EPHB1: variants seen among roughly 807,000 people sequenced by gnomAD.
The protein encoded by EPHB1 is ephrin type-B receptor 1.
Under a neutral mutation model 94.4 loss-of-function variants are expected in EPHB1, and 30 were observed. The ratio of observed to expected loss-of-function variants is 0.32; its 90% CI spans 0.24 to 0.43. The LOEUF (loss-of-function observed/expected upper bound fraction) is 0.43, where lower values mean the gene tolerates loss of function less well. Ranked by LOEUF, EPHB1 falls within the 20% of genes least tolerant of loss-of-function variation. The pLI is 1.00. For missense variants in EPHB1, 1,055 were observed against 1,308.3 expected, an observed-to-expected ratio of 0.81 and a Z score of 2.99; for synonymous variants, 522 against 489.1, an observed-to-expected ratio of 1.07 and a Z score of -0.89.
In EPHB1 at chr3:135,233,653, A is replaced by C. The variant is rs148564068; in HGVS notation, c.2347-7495A>C. Among the ~76,000 whole-genome samples, 387 of 152,254 alleles carry C rather than the reference A, an allele frequency of 2.5e-3. 3 individuals carry two copies. The highest frequency in any genetic ancestry group is 8.7e-3 in the African/African-American group (363 of 41,548). On this transcript the variant is annotated intron_variant, in intron 12 of 15. Coordinates refer to ENST00000398015, the MANE Select transcript of EPHB1 (RefSeq NM_004441.5). The stretch of plus-strand genomic sequence containing the variant: ...GACTCTGTGTGGGGCTTCCAACCTA[A>C]CGTTTCCCTTCCACACTGCCCTAGC...
chr3:135,223,720 A>G (rs1255169070), intron 12 of EPHB1, among the ~76,000 whole-genome samples: 1 of 152,264 alleles, frequency 6.6e-6, no homozygotes. Flanking sequence ...TTGTTTGGTC[A>G]GATAACTCTT....
At chr3:134,981,587 C>T (rs1464178373) in intron 3 of EPHB1, among the ~76,000 whole-genome samples, 1 of 152,182 alleles carries the variant, frequency 6.6e-6, no homozygotes, top group Non-Finnish European at 1.5e-5. Flanking sequence ...TGGCAAATTG[C>T]ATTGAGTACC....
At chr3:135,190,177 G>A (rs1942420415) in intron 10 of EPHB1, among the ~76,000 whole-genome samples, 1 of 152,164 alleles carries the variant, frequency 6.6e-6, no homozygotes. Flanking sequence ...TTATTTAAAT[G>A]GCCATAGTAA....
intron 3 of EPHB1, among the ~76,000 whole-genome samples, chr3:134,986,445 A>C (rs1481341049): frequency 6.6e-6 from 1 of 152,210 alleles, no homozygotes; most frequent in African/African-American, 2.4e-5. Context: ...TGTGCGTGGC[A>C]TGGACCATCC....
chr3:135,185,288 C>A (rs1475136017), intron 10 of EPHB1, among the ~76,000 whole-genome samples: 1 of 152,152 alleles, frequency 6.6e-6, no homozygotes, highest in Non-Finnish European at 1.5e-5. Flanking sequence ...GATGATTTGG[C>A]AGAAAGGTCA....
chr3:134,928,500 T>C (rs573936613), intron 2 of EPHB1, among the ~76,000 whole-genome samples: 9 of 152,342 alleles, frequency 5.9e-5, no homozygotes, highest in African/African-American at 1.9e-4. Flanking sequence ...AATGTTTCAC[T>C]ATTGAAAGTT....
intron 3 of EPHB1, among the ~76,000 whole-genome samples, chr3:134,963,115 C>T (rs565894274): frequency 1.1e-4 from 17 of 150,678 alleles, no homozygotes; most frequent in South Asian, 2.1e-4. Context: ...CCCTCCTCTC[C>T]CTTCTTATAC....
chr3:134,972,611 G>A (rs1934021739), intron 3 of EPHB1, among the ~76,000 whole-genome samples: 1 of 147,042 alleles, frequency 6.8e-6, no homozygotes, highest in South Asian at 2.1e-4. Context: ...GTCAAAACAG[G>A]GTTACAAAAA....
At chr3:135,210,661 C>G (rs1027855817) in intron 12 of EPHB1, among the ~76,000 whole-genome samples, 8 of 152,190 alleles carry the variant, frequency 5.3e-5, no homozygotes, top group Non-Finnish European at 2.9e-5. Flanking sequence ...CCAGAGTGGT[C>G]AAGTGAGTTA....
intron 1 of EPHB1, among the ~76,000 whole-genome samples, chr3:134,914,543 C>G (rs769994861): frequency 2.0e-5 from 3 of 152,124 alleles, no homozygotes; most frequent in Non-Finnish European, 2.9e-5. Context: ...ATGTAGCTGC[C>G]TCCTTGTGTG....
intron 2 of EPHB1, among the ~76,000 whole-genome samples, chr3:134,948,144 G>C (rs1578220806): frequency 6.6e-6 from 1 of 151,898 alleles, no homozygotes; most frequent in Non-Finnish European, 1.5e-5. Flanking sequence ...CAGTGCTAAG[G>C]TGAAGCCCAC....
intron 1 of EPHB1, among the ~76,000 whole-genome samples, chr3:134,825,676 G>A (rs1424335482): frequency 2.0e-5 from 3 of 152,116 alleles, no homozygotes; most frequent in Non-Finnish European, 4.4e-5. Context: ...AAGGGAATAG[G>A]TTTGGTGGGG....
chr3:135,088,347 C>T (rs1938434000), intron 3 of EPHB1, among the ~76,000 whole-genome samples: 1 of 152,180 alleles, frequency 6.6e-6, no homozygotes, highest in South Asian at 2.1e-4. Context: ...CTCTGAGCCT[C>T]AGTATCACTG....
chr3:134,920,723 G>A (rs188782249), intron 1 of EPHB1, among the ~76,000 whole-genome samples: 52 of 152,286 alleles, frequency 3.4e-4, no homozygotes, highest in Middle Eastern at 6.8e-3. Context: ...ATCCAAAGGT[G>A]CCAATCCAGA....
chr3:135,009,937 T>C (rs1935562096), intron 3 of EPHB1, among the ~76,000 whole-genome samples: 1 of 152,158 alleles, frequency 6.6e-6, no homozygotes, highest in East Asian at 1.9e-4. Flanking sequence ...AATTTTAAAA[T>C]GACAAAAAAC....
chr3:134,864,316 T>A (rs927591783), intron 1 of EPHB1, among the ~76,000 whole-genome samples: 1 of 152,212 alleles, frequency 6.6e-6, no homozygotes, highest in African/African-American at 2.4e-5. Context: ...CCAGGCCATT[T>A]GGAAGTGTCT....
At chr3:134,906,407 G>A (rs1044124354) in intron 1 of EPHB1, among the ~76,000 whole-genome samples, 6 of 152,184 alleles carry the variant, frequency 3.9e-5, no homozygotes, top group African/African-American at 1.4e-4. Flanking sequence ...ACAAACTTTT[G>A]TGGACGTTTA....
chr3:135,147,682 G>T (rs888300912), intron 5 of EPHB1, among the ~76,000 whole-genome samples: 2 of 152,176 alleles, frequency 1.3e-5, no homozygotes, highest in Non-Finnish European at 2.9e-5. Flanking sequence ...GAGGCAGATG[G>T]CCTCCTCTTT....
chr3:134,845,695 G>T (rs1409444047), intron 1 of EPHB1, among the ~76,000 whole-genome samples: 1 of 152,164 alleles, frequency 6.6e-6, no homozygotes, highest in Admixed American at 6.5e-5. Context: ...CAGACCTTAG[G>T]CAGTAACGGT....
Sources: allele counts gnomAD v4.1 joint callset (sites outside exome capture counted in the v4.1 genomes callset), GRCh38; gene constraint gnomAD v4.1.1; transcripts MANE v1.5; gene names NCBI Gene and HGNC (gene_info 2026-07-23, HGNC 2026-07-21).